CCDC69: variants seen among roughly 807,000 people sequenced by gnomAD.
The protein encoded by CCDC69 is coiled-coil domain-containing protein 69.
A neutral mutation model predicts 40.3 loss-of-function variants in CCDC69; 38 were observed. The ratio of observed to expected loss-of-function variants is 0.94; its 90% CI spans 0.73 to 1.24. The LOEUF is 1.24. CCDC69 is among the 50% of genes most tolerant of loss of function. CCDC69 has a pLI of 0.00. For synonymous variants in CCDC69, 141 were observed against 138.9 expected, an observed-to-expected ratio of 1.02 and a Z score of -0.11; for missense variants, 389 against 357.9, an observed-to-expected ratio of 1.09 and a Z score of -0.70.
chr5:151,206,922 A>G (rs1007834334), intron 1 of CCDC69, among the ~76,000 whole-genome samples: 8 of 148,352 alleles, frequency 5.4e-5, no homozygotes, highest in African/African-American at 7.5e-5. Flanking sequence ...GAGCCACCGC[A>G]CTCGACCTTT....
chr5:151,216,864 G>A (rs1207024487), intron 1 of CCDC69, among the ~76,000 whole-genome samples: 3 of 152,192 alleles, frequency 2.0e-5, no homozygotes, highest in Non-Finnish European at 2.9e-5. Flanking sequence ...CTGGGGAAGA[G>A]AATAGTTAGC....
chr5:151,216,377 CCATTTTA>C (rs151151343), intron 1 of CCDC69, among the ~76,000 whole-genome samples: 13,217 of 150,702 alleles, frequency 0.088, 698 homozygotes, highest in Middle Eastern at 0.14. Context: ...AGGGTAGCTT[CCATTTTA>C]CATTTTACCT....
Position 151,205,469 on chromosome 5 carries a change from G to C in CCDC69, c.55C>G (p.Gln19Glu), listed in dbSNP as rs771648137. ...SSCKPPKKKR[Q>E]EPEPEQPPRP... Reference sequence around the variant, plus strand: ...GGTGGCTGTTCTGGTTCTGGTTCTTGGCGCTTCTGGAAGAAATGAGACAAC... The same window carrying C: ...GGTGGCTGTTCTGGTTCTGGTTCTTCGCGCTTCTGGAAGAAATGAGACAAC... The change falls in exon 2 of 9, where the codon CAA becomes GAA. Residue 19 changes from glutamine (Q) to glutamate (E), a missense_variant. Transcript: ENST00000355417. The C allele has an allele frequency of 6.2e-7, 1 of 1,614,112 alleles. No individual in the cohort carries two copies. The highest frequency in any genetic ancestry group is 8.5e-7 in the Non-Finnish European group (1 of 1,179,990).
At position 151,194,754 on chromosome 5, in the gene CCDC69, A is replaced by G. The variant is rs190283419; in HGVS notation, c.319+4243T>C. On this transcript the variant is annotated intron_variant, in intron 4 of 8. Transcript: ENST00000355417. ...CTAAAAATACAAAAATTAGCTGGGC[A>G]TAGTGGCACGTGCCTGTAATCCCAG... Among the ~76,000 whole-genome samples the G allele has an allele frequency of 4.6e-5, 7 of 152,110 alleles. 1 individual carries two copies. The highest frequency in any genetic ancestry group is 4.1e-4 in the South Asian group (2 of 4,822).
rs142006070 is a variant in CCDC69, at chr5:151,187,411, A to G, written c.368T>C (p.Phe123Ser). 64 of 1,614,134 alleles carry G rather than the reference A, an allele frequency of 4.0e-5. No individual in the cohort carries two copies. The highest frequency in any genetic ancestry group is 1.7e-4 in the Middle Eastern group (1 of 6,052). Residue 123 changes from phenylalanine (F) to serine (S), a missense_variant, in exon 5 of 9, where the codon TTC becomes TCC. Physicochemically the swap from Phe to Ser is radical, Grantham distance 155 (BLOSUM62 -2). Coordinates refer to ENST00000355417, the MANE Select transcript of CCDC69 (RefSeq NM_015621.3). ...EQEKEALTHS[F>S]REASSTQQET... ...CTGCTGGGTAGAACTGGCCTCCCGG[A>G]AAGAGTGGGTAAGCGCTTCTTTCTC... is the stretch of plus-strand genomic sequence containing the variant.
chr5:151,219,408 G>C (rs1344397661), intron 1 of CCDC69, among the ~76,000 whole-genome samples: 2 of 152,026 alleles, frequency 1.3e-5, no homozygotes, highest in Admixed American at 6.6e-5. Flanking sequence ...CTGGCCCCAG[G>C]TAGGAGGAAA....
rs952535047 is a variant in CCDC69, at chr5:151,224,033, C to A, written c.-63G>T. ...CGGGGCCCCCAGAGGAGCCTGCGATCCGGGCCCCGCTGCCCGCTCCGCGCC... is the reference window on the plus strand; with the variant it reads ...CGGGGCCCCCAGAGGAGCCTGCGATACGGGCCCCGCTGCCCGCTCCGCGCC... On this transcript the variant is annotated 5_prime_UTR_variant, in exon 1 of 9. Coordinates refer to ENST00000355417, the MANE Select transcript of CCDC69 (RefSeq NM_015621.3). 1 of 1,422,576 alleles carries A rather than the reference C, an allele frequency of 7.0e-7. No individual in the cohort carries two copies. The highest frequency in any genetic ancestry group is 9.4e-7 in the Non-Finnish European group (1 of 1,063,464). 88.1% of individuals were successfully genotyped at this position (1,422,576 alleles called of 1,614,324 possible). A position where few individuals can be genotyped will look rare whatever the true frequency, so the allele number is the denominator to read the frequency against.
At chr5:151,184,622 G>C (rs757910895) in intron 7 of CCDC69, 181 bp from the exon 8 acceptor site, 3 of 526,498 alleles carry the variant, frequency 5.7e-6, no homozygotes, top group Admixed American at 3.2e-5. Context: ...AAAGGGCTGC[G>C]GCTTTTTGCC....
At chr5:151,219,314 C>A (rs1450647118) in intron 1 of CCDC69, among the ~76,000 whole-genome samples, 1 of 152,140 alleles carries the variant, frequency 6.6e-6, no homozygotes, top group Non-Finnish European at 1.5e-5. Flanking sequence ...CCATAAGTGC[C>A]TAACCCCCGC....
In CCDC69 at chr5:151,224,049, G is replaced by T; in HGVS notation, c.-79C>A. On this transcript the variant is annotated 5_prime_UTR_variant, in exon 1 of 9. Coordinates refer to ENST00000355417, the MANE Select transcript of CCDC69 (RefSeq NM_015621.3). ...GCCTGCGATCCGGGCCCCGCTGCCC[G>T]CTCCGCGCCCGCCGGCTGGGGCTGC... is the stretch of plus-strand genomic sequence containing the variant. 7.7e-7 allele frequency: 1 copy of T among 1,296,806 alleles called. No individual in the cohort carries two copies. Among genetic ancestry groups the T allele is most frequent in the Non-Finnish European group, 1.0e-6 (1 of 960,838 alleles). 80.3% of individuals were successfully genotyped at this position (1,296,806 alleles called of 1,614,324 possible). A position where few individuals can be genotyped will look rare whatever the true frequency, so the allele number is the denominator to read the frequency against.
In CCDC69 at chr5:151,203,846, C is replaced by CGT. The variant is rs1554089656; in HGVS notation, c.124+1553_124+1554insAC. 1.2e-3 allele frequency among the ~76,000 whole-genome samples: 148 copies of CGT among 120,792 alleles called. 9 individuals carry two copies. Among genetic ancestry groups the CGT allele is most frequent in the African/African-American group, 4.3e-3 (132 of 30,476 alleles). 79.2% of individuals were successfully genotyped at this position (120,792 alleles called of 152,430 possible). ...TATAGTATATATATAAAATATATAT[C>CGT]ATATATAGTATATATATAAAATATA... is the stretch of plus-strand genomic sequence containing the variant. On this transcript the variant is annotated intron_variant, in intron 2 of 8. Coordinates refer to ENST00000355417, the MANE Select transcript of CCDC69 (RefSeq NM_015621.3).
chr5:151,183,627 A>G lies in CCDC69; in HGVS notation c.714-13T>C. 2 of 1,600,464 alleles carry G rather than the reference A, an allele frequency of 1.2e-6. No individual in the cohort carries two copies. The highest frequency in any genetic ancestry group is 1.7e-6 in the Non-Finnish European group (2 of 1,173,400). ...TTCTGACAGCTGCCTGTGGATGCAC[A>G]CAGAGCCCAGGGTTGCCTACTGGGA... On this transcript the variant is annotated splice_polypyrimidine_tract_variant and intron_variant, in intron 8 of 8. Coordinates refer to ENST00000355417, the MANE Select transcript of CCDC69 (RefSeq NM_015621.3).
chr5:151,216,544 G>A (rs1019861181), intron 1 of CCDC69, among the ~76,000 whole-genome samples: 4 of 151,542 alleles, frequency 2.6e-5, no homozygotes, highest in Non-Finnish European at 5.9e-5. Flanking sequence ...AGCCTCCTGG[G>A]TAGCTGAGAT....
At chr5:151,202,231 T>C (rs948115396) in intron 2 of CCDC69, among the ~76,000 whole-genome samples, 9 of 148,692 alleles carry the variant, frequency 6.1e-5, no homozygotes, top group African/African-American at 9.9e-5. Context: ...CATGATGGCA[T>C]GCACCTGCAG....
chr5:151,189,125 G>C (rs1752568417), intron 4 of CCDC69, among the ~76,000 whole-genome samples: 1 of 152,154 alleles, frequency 6.6e-6, no homozygotes, highest in South Asian at 2.1e-4. Context: ...TATAGATGTA[G>C]GAATTATTAA....
chr5:151,185,316 A>G, intron 7 of CCDC69, 106 bp downstream of exon 7: 1 of 1,303,650 alleles, frequency 7.7e-7, no homozygotes, highest in Non-Finnish European at 1.1e-6. Flanking sequence ...GGAGTGAACT[A>G]GGCTGGGACC....
intron 1 of CCDC69, among the ~76,000 whole-genome samples, chr5:151,211,369 G>A (rs1259726915): frequency 6.6e-6 from 1 of 152,142 alleles, no homozygotes; most frequent in African/African-American, 2.4e-5. Flanking sequence ...TATTGGACTT[G>A]CCCCAGTATG....
Position 151,224,064 on chromosome 5 carries a change from G to C in CCDC69, c.-94C>G. On this transcript the variant is annotated 5_prime_UTR_variant, in exon 1 of 9. Coordinates refer to ENST00000355417, the MANE Select transcript of CCDC69 (RefSeq NM_015621.3). ...CCCGCTGCCCGCTCCGCGCCCGCCG[G>C]CTGGGGCTGCCGGCGAGACCCTGAA... The C allele has an allele frequency of 1.7e-6, 2 of 1,153,606 alleles. No individual in the cohort carries two copies. Among genetic ancestry groups the C allele is most frequent in the Non-Finnish European group, 2.4e-6 (2 of 841,126 alleles). The allele number at this position is 1,153,606 out of a possible 1,614,324, so 71.5% of individuals were successfully genotyped here. A position where few individuals can be genotyped will look rare whatever the true frequency, so the allele number is the denominator to read the frequency against.
At chr5:151,192,142 A>T (rs1042499784) in intron 4 of CCDC69, among the ~76,000 whole-genome samples, 1 of 148,962 alleles carries the variant, frequency 6.7e-6, no homozygotes, top group Non-Finnish European at 1.5e-5. Flanking sequence ...AAAGCTAACC[A>T]AATATAAAGC....
Sources: allele counts gnomAD v4.1 joint callset (sites outside exome capture counted in the v4.1 genomes callset), GRCh38; gene constraint gnomAD v4.1.1; transcripts MANE v1.5; gene names NCBI Gene and HGNC (gene_info 2026-07-23, HGNC 2026-07-21).